DNAH17: variants seen among roughly 807,000 people sequenced by gnomAD.
DNAH17 encodes the protein axonemal beta dynein heavy chain 17.
DNAH17 carries 376 observed loss-of-function variants against 485.6 expected under a neutral mutation model. The ratio of observed to expected loss-of-function variants is 0.77; its 90% CI spans 0.71 to 0.84. The LOEUF is 0.84. DNAH17 is among the 40% of genes least tolerant of loss of function. DNAH17 has a pLI of 0.00. For synonymous variants in DNAH17, 3,031 were observed against 2,405.9 expected, an observed-to-expected ratio of 1.26 and a Z score of -7.60; for missense variants, 6,370 against 5,839.3, an observed-to-expected ratio of 1.09 and a Z score of -2.96.
rs545966045 is a variant in DNAH17, at chr17:78,568,849, G to A, written c.1284+317C>T. The stretch of plus-strand genomic sequence containing the variant: ...ATAAGTCTCCATTTGTAATAATTGA[G>A]TCCCACTAAGTGACTGCTGTTGGCC... On this transcript the variant is annotated intron_variant, in intron 9 of 80. Coordinates refer to ENST00000389840, the MANE Select transcript of DNAH17 (RefSeq NM_173628.4). 4.6e-5 allele frequency among the ~76,000 whole-genome samples: 7 copies of A among 152,288 alleles called. No homozygotes were observed. In the East Asian group the frequency reaches 9.6e-4, roughly 21 times the overall value.
intron 62 of DNAH17, 82 bp from the exon 63 acceptor site, chr17:78,455,918 G>T: frequency 2.5e-6 from 3 of 1,203,654 alleles, no homozygotes; most frequent in Non-Finnish European, 3.3e-6. Context: ...CTGCACCTCT[G>T]TGAATCTTCA....
intron 54 of DNAH17, among the ~76,000 whole-genome samples, chr17:78,473,024 C>T (rs1000699470): frequency 6.6e-6 from 1 of 152,194 alleles, no homozygotes; most frequent in African/African-American, 2.4e-5. Flanking sequence ...TCCTGTGCAC[C>T]CCTAGCCTCC....
Position 78,458,991 on chromosome 17 carries a change from C to T in DNAH17, c.9861+10G>A, listed in dbSNP as rs749097339. 40 of 1,613,690 alleles carry T rather than the reference C, an allele frequency of 2.5e-5. No homozygotes were observed. Among genetic ancestry groups the T allele is most frequent in the African/African-American group, 6.7e-5 (5 of 74,936 alleles). The stretch of plus-strand genomic sequence containing the variant: ...GTGTTTCGCAGGGACGGGAGCGAGC[C>T]GGCACTTACGGCAATCTTGTTTTTG... On this transcript the variant is annotated intron_variant, in intron 61 of 80. Coordinates refer to ENST00000389840, the MANE Select transcript of DNAH17 (RefSeq NM_173628.4).
chr17:78,499,240 T>C (rs2090186143), intron 36 of DNAH17, 128 bp from the exon 37 acceptor site: 1 of 629,670 alleles, frequency 1.6e-6, no homozygotes, highest in Middle Eastern at 4.4e-4. Flanking sequence ...CCCGGTGCAT[T>C]GGAGCCTTCC....
chr17:78,524,719 T>C (rs2091019148), intron 25 of DNAH17, among the ~76,000 whole-genome samples: 1 of 147,762 alleles, frequency 6.8e-6, no homozygotes, highest in Non-Finnish European at 1.5e-5. Context: ...AAAGGTGAGA[T>C]GTGAGAGAGA....
In DNAH17 at chr17:78,445,970, G is replaced by A. The variant is rs572807540; in HGVS notation, c.11212-290C>T. On this transcript the variant is annotated intron_variant, in intron 69 of 80. Coordinates refer to ENST00000389840, the MANE Select transcript of DNAH17 (RefSeq NM_173628.4). ...GTGGATCACTTGAGCTCAGGAGTTC[G>A]AGACCAGCCTGGCCAACATGGTGAA... Among the ~76,000 whole-genome samples the A allele has an allele frequency of 2.0e-5, 3 of 152,038 alleles. No individual in the cohort carries two copies. The South Asian group carries it at 6.2e-4, about 32-fold the overall frequency.
At position 78,468,702 on chromosome 17, in the gene DNAH17, C is replaced by A. The variant is rs773351881; in HGVS notation, c.8693G>T (p.Arg2898Leu). 1 of 1,614,016 alleles carries A rather than the reference C, an allele frequency of 6.2e-7. No individual in the cohort carries two copies. The highest frequency in any genetic ancestry group is 8.5e-7 in the Non-Finnish European group (1 of 1,179,896). The change falls in exon 55 of 81, where the codon CGA (arginine) becomes CTA (leucine). Residue 2898 changes from arginine to leucine, a missense_variant. Transcript: ENST00000389840. ...DEVENIISSM[R>L]PQVKSLGMND... Reference sequence around the variant, plus strand: ...CATGCCAAGGGACTTGACTTGGGGTCGCATGGAGGAGATGATGTTCTCCAC... The same window carrying A: ...CATGCCAAGGGACTTGACTTGGGGTAGCATGGAGGAGATGATGTTCTCCAC...
In DNAH17 at chr17:78,551,491, C is replaced by T. The variant is rs191271607; in HGVS notation, c.2391+44G>A. On this transcript the variant is annotated intron_variant, in intron 16 of 80. Coordinates refer to ENST00000389840, the MANE Select transcript of DNAH17 (RefSeq NM_173628.4). The stretch of plus-strand genomic sequence containing the variant: ...AGCCTGGTTTGCCCCAGGGCAGCCC[C>T]AGGCCCCCACAAAGCCCCACTCTGT... 36 of 1,590,972 alleles carry T rather than the reference C, an allele frequency of 2.3e-5. No individual in the cohort carries two copies. In the South Asian group the frequency reaches 3.8e-4, roughly 17 times the overall value.
intron 21 of DNAH17, 39 bp from the exon 22 acceptor site, chr17:78,529,733 C>A (rs751783313): frequency 8.1e-6 from 13 of 1,597,952 alleles, no homozygotes; most frequent in African/African-American, 5.4e-5. Context: ...CCCCAGCCCC[C>A]CTTAGGCCCA....
intron 41 of DNAH17, 108 bp from the exon 42 acceptor site, chr17:78,492,873 T>C: frequency 1.0e-6 from 1 of 973,486 alleles, no homozygotes; most frequent in East Asian, 3.5e-5. Context: ...TTTTTTGAGA[T>C]GGAGTTTCAC....
At position 78,429,293 on chromosome 17, in the gene DNAH17, C is replaced by T; in HGVS notation, c.12233G>A (p.Trp4078Ter). Residue 4078 changes from tryptophan (W) to a stop codon, truncating the protein, a stop_gained, in exon 76 of 81, where the codon TGG (tryptophan) becomes TAG (stop). Transcript: ENST00000389840. LOFTEE classifies it high-confidence loss of function. ...NYLEANPKVP[W>*]DDLRYLFGEI... ...ACCAAAAAGGTAGCGGAGATCGTCC[C>T]AGGGCACCTGAGGAAGGATGACAGC... is the stretch of plus-strand genomic sequence containing the variant. 1 of 1,613,436 alleles carries T rather than the reference C, an allele frequency of 6.2e-7. No individual in the cohort carries two copies. Among genetic ancestry groups the T allele is most frequent in the Non-Finnish European group, 8.5e-7 (1 of 1,179,598 alleles).
chr17:78,550,829 C>A (rs1006897470), intron 16 of DNAH17, among the ~76,000 whole-genome samples: 78 of 152,182 alleles, frequency 5.1e-4, no homozygotes, highest in African/African-American at 1.8e-3. Context: ...TAGATGAGGT[C>A]AAAAGAAAGA....
At position 78,539,761 on chromosome 17, in the gene DNAH17, G is replaced by C. The variant is rs2091471706; in HGVS notation, c.2652C>G (p.Phe884Leu). 1.2e-6 allele frequency: 2 copies of C among 1,611,202 alleles called. No individual in the cohort carries two copies. The highest frequency in any genetic ancestry group is 1.7e-5 in the Admixed American group (1 of 59,778). Residue 884 changes from phenylalanine to leucine, a missense_variant, in exon 18 of 81, where the codon TTC becomes TTG. Coordinates refer to ENST00000389840, the MANE Select transcript of DNAH17 (RefSeq NM_173628.4). Reference protein sequence around the residue: ...FDQFIRKSLSFLMDNMVIDES... With the variant: ...FDQFIRKSLSLLMDNMVIDES... Reference sequence around the variant, plus strand: ...CATCTATAACCATGTTGTCCATTAGGAAACTCAGAGATTTGCGAATGAACT... The same window carrying C: ...CATCTATAACCATGTTGTCCATTAGCAAACTCAGAGATTTGCGAATGAACT...
rs546130215 is a variant in DNAH17, at chr17:78,561,759, C to T, written c.1791G>A (p.Glu597=). The T allele has an allele frequency of 5.0e-6, 8 of 1,612,882 alleles. No individual in the cohort carries two copies. Among genetic ancestry groups the T allele is most frequent in the African/African-American group, 4.0e-5 (3 of 75,034 alleles). ...GQLKWSLELQ[E]RLEVSMKHLK... Reference sequence around the variant, plus strand: ...GGTGTTTCATGGACACCTCTAGCCTCTCCTGCAGCTCCAGGCTCCATTTGA... The same window carrying T: ...GGTGTTTCATGGACACCTCTAGCCTTTCCTGCAGCTCCAGGCTCCATTTGA... The change falls in exon 12 of 81, where the codon GAG becomes GAA. Residue 597 remains glutamate, a synonymous_variant. Coordinates refer to ENST00000389840, the MANE Select transcript of DNAH17 (RefSeq NM_173628.4).
intron 25 of DNAH17, among the ~76,000 whole-genome samples, chr17:78,517,287 G>A (rs2090813473): frequency 6.6e-6 from 1 of 152,144 alleles, no homozygotes; most frequent in African/African-American, 2.4e-5. Flanking sequence ...CAAGTGATCC[G>A]CCCACCTTGG....
intron 17 of DNAH17, among the ~76,000 whole-genome samples, chr17:78,543,241 AG>A (rs1208565321): frequency 6.6e-6 from 1 of 151,420 alleles, no homozygotes; most frequent in East Asian, 1.9e-4. Context: ...CAGCCTCCCG[AG>A]TAGCTGGGAT....
chr17:78,434,885 CAGGCACTCTGTGTGGGGGG>C (rs1211181329), intron 74 of DNAH17, among the ~76,000 whole-genome samples: 1 of 152,206 alleles, frequency 6.6e-6, no homozygotes, highest in African/African-American at 2.4e-5. Context: ...CCTCTGGGGC[CAGGCACTCTGTGTGGGGGG>C]AGGGCTTCAG....
rs149576236 is a variant in DNAH17, at chr17:78,459,978, G to A, written c.9459C>T (p.Ser3153=). 1.1e-5 allele frequency: 18 copies of A among 1,612,986 alleles called. No homozygotes were observed. Among genetic ancestry groups the A allele is most frequent in the Admixed American group, 5.0e-5 (3 of 60,002 alleles). ...CCACAGCATCCGGCGGGGACCCAAA[G>A]GACTTCAGCTCTGTCAGGTTGTTCT... ...LNKNNLTELK[S]FGSPPDAVVN... Residue 3153 remains serine, a synonymous_variant, in exon 60 of 81, where the codon TCC becomes TCT. Coordinates refer to ENST00000389840, the MANE Select transcript of DNAH17 (RefSeq NM_173628.4).
At chr17:78,460,511 GCT>G (rs2088065798) in intron 58 of DNAH17, among the ~76,000 whole-genome samples, 1 of 152,246 alleles carries the variant, frequency 6.6e-6, no homozygotes, top group Non-Finnish European at 1.5e-5. Context: ...CATAAGAGAG[GCT>G]GCCCCTCCGG....
Sources: gnomAD v4.1 joint callset for allele counts (sites outside exome capture counted in the v4.1 genomes callset) on GRCh38, gnomAD v4.1.1 for gene constraint, MANE v1.5 for transcripts, NCBI Gene and HGNC (gene_info 2026-07-23, HGNC 2026-07-21) for gene names.